Variants in ASIC2 observed in about 807,000 individuals in gnomAD.
The protein encoded by ASIC2 is acid-sensing ion channel 2.
ASIC2 carries 25 observed loss-of-function variants against 57.3 expected under a neutral mutation model. The observed-to-expected ratio is 0.44, with a 90% confidence interval of 0.32 to 0.61. ASIC2 has a LOEUF of 0.61. Among genes scored for constraint, ASIC2 ranks in the 20% least tolerant of loss-of-function variants. The pLI, the probability that ASIC2 is intolerant of heterozygous loss-of-function variation, is 0.06. For synonymous variants in ASIC2, 319 were observed against 307.5 expected (o/e 1.04, Z -0.39); for missense variants, 641 against 738.1 (o/e 0.87, Z 1.52).
rs141028678 is a variant in ASIC2, at chr17:33,505,510, G to A, written c.556-393443C>T. ...TGATCTTGCATTCTCAATCCCTCCC[G>A]CTGTATAACGCACAGGATCTTTCAA... On this transcript the variant is annotated intron_variant, in intron 1 of 9. Transcript: ENST00000359872. Among the ~76,000 whole-genome samples the A allele has an allele frequency of 6.6e-5, 10 of 152,190 alleles. No homozygotes were observed. The South Asian group carries it at 1.0e-3, about 16-fold the overall frequency.
intron 1 of ASIC2, among the ~76,000 whole-genome samples, chr17:34,115,189 G>A (rs898446822): frequency 6.6e-6 from 1 of 152,200 alleles, no homozygotes; most frequent in East Asian, 1.9e-4. Context: ...CAAGTGGATA[G>A]CACAGTCATG....
At chr17:33,390,872 A>G (rs1180404295) in intron 1 of ASIC2, among the ~76,000 whole-genome samples, 1 of 152,216 alleles carries the variant, frequency 6.6e-6, no homozygotes, top group Non-Finnish European at 1.5e-5. Context: ...TTTCTTCATT[A>G]GAAGCATGGC....
chr17:34,026,287 G>A (rs958211363), intron 1 of ASIC2, among the ~76,000 whole-genome samples: 8 of 152,250 alleles, frequency 5.3e-5, no homozygotes, highest in South Asian at 2.1e-4. Context: ...AGAATGAGGA[G>A]CCCTGCAGCA....
At chr17:33,066,098 G>T (rs1028137375) in intron 3 of ASIC2, among the ~76,000 whole-genome samples, 5 of 152,194 alleles carry the variant, frequency 3.3e-5, no homozygotes, top group Non-Finnish European at 7.3e-5. Context: ...TCCTCTCGGG[G>T]AGTATGAACC....
chr17:33,024,184 T>C (rs1454389441), intron 5 of ASIC2, among the ~76,000 whole-genome samples, 170 bp from the exon 6 acceptor site: 1 of 152,130 alleles, frequency 6.6e-6, no homozygotes, highest in African/African-American at 2.4e-5. Flanking sequence ...TTGCTGTAGG[T>C]TGATCTTGTT....
intron 1 of ASIC2, among the ~76,000 whole-genome samples, chr17:33,655,190 T>C (rs1346475973): frequency 6.6e-6 from 1 of 152,220 alleles, no homozygotes; most frequent in Non-Finnish European, 1.5e-5. Context: ...GGAAAGCCCT[T>C]CTGCTCTACA....
At chr17:33,260,861 C>T (rs527394589) in intron 1 of ASIC2, among the ~76,000 whole-genome samples, 8 of 152,226 alleles carry the variant, frequency 5.3e-5, no homozygotes, top group African/African-American at 1.9e-4. Flanking sequence ...GAGCTTGGGC[C>T]GACCAAACGC....
Position 33,997,122 on chromosome 17 carries a change from C to T in ASIC2, c.555+158856G>A, listed in dbSNP as rs377464530. Among the ~76,000 whole-genome samples the T allele has an allele frequency of 2.8e-4, 43 of 151,716 alleles. 1 individual carries two copies. In the East Asian group the frequency reaches 7.7e-3, roughly 27 times the overall value. On this transcript the variant is annotated intron_variant, in intron 1 of 9. Coordinates refer to the ASIC2 transcript ENST00000359872. ...TATGCTATTGTAAATGGTATTGTTT[C>T]CTAAATTTATTTATTTATTTTTATT...
intron 1 of ASIC2, among the ~76,000 whole-genome samples, chr17:33,244,512 A>T (rs1307814921): frequency 6.6e-6 from 1 of 152,252 alleles, no homozygotes; most frequent in African/African-American, 2.4e-5. Flanking sequence ...TCTATTTTCC[A>T]TGCAGATGTT....
intron 1 of ASIC2, among the ~76,000 whole-genome samples, chr17:34,033,691 G>T (rs566667534): frequency 6.6e-6 from 1 of 152,140 alleles, no homozygotes; most frequent in Non-Finnish European, 1.5e-5. Flanking sequence ...TATCATCACC[G>T]ATCCCACAGA....
chr17:33,292,067 G>A lies in ASIC2; in HGVS notation c.49C>T (p.Pro17Ser), dbSNP rs1905497097. The change falls in exon 1 of 10, where the codon CCG (proline) becomes TCG (serine). Residue 17 changes from proline (P) to serine (S), a missense_variant. By Grantham distance (74) the Pro-to-Ser change is moderately conservative. Around this residue, in one of 3 missense-constraint regions of ASIC2, gnomAD observed 382 missense variants for 398.0 expected, o/e 0.96. Coordinates refer to ENST00000225823, the MANE Select transcript of ASIC2 (RefSeq NM_183377.2). ...TCGCGGGCCATGCGGAAGCGTCCCG[G>A]GCCGGTGAGCGCGGCTGCGGGCAGC... The part of the protein sequence containing the change: ...AGLPAAALTG[P>S]GRFRMAREEP... 9.2e-7 allele frequency: 1 copy of A among 1,091,232 alleles called. No individual in the cohort carries two copies. The highest frequency in any genetic ancestry group is 1.7e-5 in the African/African-American group (1 of 59,294). 67.6% of individuals were successfully genotyped at this position (1,091,232 alleles called of 1,614,324 possible).
At chr17:34,052,085 A>C (rs1239123368) in intron 1 of ASIC2, among the ~76,000 whole-genome samples, 1 of 152,136 alleles carries the variant, frequency 6.6e-6, no homozygotes, top group Non-Finnish European at 1.5e-5. Flanking sequence ...CCATCCATCC[A>C]TCCCTCCATC....
intron 1 of ASIC2, among the ~76,000 whole-genome samples, chr17:33,409,852 G>T (rs943070543): frequency 6.6e-6 from 1 of 152,204 alleles, no homozygotes; most frequent in Non-Finnish European, 1.5e-5. Context: ...GCCAAGTTTT[G>T]TTCTATTCTA....
At chr17:33,490,844 A>G (rs190487777) in intron 1 of ASIC2, among the ~76,000 whole-genome samples, 3 of 152,304 alleles carry the variant, frequency 2.0e-5, no homozygotes, top group African/African-American at 7.2e-5. Context: ...AGGTCAAATC[A>G]TCTGGCATTT....
chr17:33,996,341 G>GT (rs1399517604), intron 1 of ASIC2, among the ~76,000 whole-genome samples: 5 of 152,116 alleles, frequency 3.3e-5, no homozygotes, highest in Non-Finnish European at 7.4e-5. Context: ...GTGTGCAGAA[G>GT]TTTTTTAGTT....
chr17:33,836,094 A>T (rs1913266545), intron 1 of ASIC2, among the ~76,000 whole-genome samples: 1 of 141,234 alleles, frequency 7.1e-6, no homozygotes. Flanking sequence ...ATATATAATT[A>T]TCTCATTTAC....
At chr17:33,966,434 G>A (rs1402930317) in intron 1 of ASIC2, among the ~76,000 whole-genome samples, 1 of 152,106 alleles carries the variant, frequency 6.6e-6, no homozygotes. Context: ...AGGAGATAAT[G>A]TATGTAAAGT....
chr17:33,992,740 G>A (rs1427461846), intron 1 of ASIC2, among the ~76,000 whole-genome samples: 1 of 152,116 alleles, frequency 6.6e-6, no homozygotes, highest in Non-Finnish European at 1.5e-5. Flanking sequence ...TTCCCACAGC[G>A]CTGGTTGTTA....
At chr17:33,386,137 A>T (rs1050197860) in intron 1 of ASIC2, among the ~76,000 whole-genome samples, 1 of 152,044 alleles carries the variant, frequency 6.6e-6, no homozygotes, top group African/African-American at 2.4e-5. Flanking sequence ...ACTGAAACAA[A>T]TTCTTTTCCC....
Sources: gnomAD v4.1 joint callset for allele counts (sites outside exome capture counted in the v4.1 genomes callset) on GRCh38, gnomAD v4.1.1 for gene constraint, gnomAD v4.1.1 regional missense constraint, MANE v1.5 for transcripts, NCBI Gene and HGNC (gene_info 2026-07-23, HGNC 2026-07-21) for gene names.